CATSPERD: variants seen among roughly 807,000 people sequenced by gnomAD.
CATSPERD encodes the protein cation channel sperm-associated auxiliary subunit delta.
Under a neutral mutation model 98.1 loss-of-function variants are expected in CATSPERD, and 86 were observed. That is an observed-to-expected ratio of 0.88 (90% CI 0.74 to 1.05). The LOEUF (loss-of-function observed/expected upper bound fraction) is 1.05. Among genes scored for constraint, CATSPERD ranks in the 50% least tolerant of loss-of-function variants. The pLI is 0.00. For synonymous variants in CATSPERD, 394 were observed against 390.2 expected, an observed-to-expected ratio of 1.01 and a Z score of -0.12; for missense variants, 995 against 1,005.7, an observed-to-expected ratio of 0.99 and a Z score of 0.14.
In CATSPERD at chr19:5,720,750, A is replaced by C; in HGVS notation, c.13A>C (p.Met5Leu). 1.2e-6 allele frequency: 2 copies of C among 1,606,460 alleles called. No homozygotes were observed. The highest frequency in any genetic ancestry group is 1.7e-6 in the Non-Finnish European group (2 of 1,179,736). Residue 5 changes from methionine (M) to leucine (L), a missense_variant, in exon 1 of 22, where the codon ATG (methionine) becomes CTG (leucine). Physicochemically the swap from Met to Leu is conservative, Grantham distance 15. Around this residue, in one of 3 missense-constraint regions of CATSPERD, gnomAD observed 228 missense variants for 209.6 expected, o/e 1.09. Coordinates refer to ENST00000381624, the MANE Select transcript of CATSPERD (RefSeq NM_152784.4). ...GAAGCCCAAGTCGATGCTGATGTTG[A>C]TGCTGGTGGCGGCTGTGACCATGTG... is the stretch of plus-strand genomic sequence containing the variant. MLML[M>L]LVAAVTMWLR...
At chr19:5,743,322 G>A (rs2056025907) in intron 7 of CATSPERD, among the ~76,000 whole-genome samples, 1 of 150,408 alleles carries the variant, frequency 6.6e-6, no homozygotes, top group Non-Finnish European at 1.5e-5. Context: ...ACAAGGCCAG[G>A]CACTGTGGCT....
intron 18 of CATSPERD, among the ~76,000 whole-genome samples, chr19:5,768,961 C>T (rs2056595277): frequency 6.6e-6 from 1 of 152,038 alleles, no homozygotes; most frequent in African/African-American, 2.4e-5. Flanking sequence ...CGAGACCAGC[C>T]TGGCCAACAT....
chr19:5,727,828 A>C (rs1267868740), intron 3 of CATSPERD, among the ~76,000 whole-genome samples: 11 of 152,144 alleles, frequency 7.2e-5, no homozygotes, highest in African/African-American at 2.6e-4. Flanking sequence ...CCTCACCCTG[A>C]GGGTAGTGGA....
At chr19:5,766,851 C>G (rs1430694800) in intron 17 of CATSPERD, among the ~76,000 whole-genome samples, 1 of 151,624 alleles carries the variant, frequency 6.6e-6, no homozygotes, top group East Asian at 2.0e-4. Flanking sequence ...CGCTACCATG[C>G]CTGGCTAATT....
At chr19:5,724,702 C>A (rs1359594684) in intron 1 of CATSPERD, 106 bp from the exon 2 acceptor site, 8 of 1,184,796 alleles carry the variant, frequency 6.8e-6, no homozygotes, top group South Asian at 3.7e-5. Context: ...CCGTCCCCCC[C>A]AAAAAAGAAC....
intron 3 of CATSPERD, among the ~76,000 whole-genome samples, chr19:5,728,343 C>T (rs1269861482): frequency 5.1e-5 from 6 of 118,554 alleles, no homozygotes; most frequent in African/African-American, 9.9e-5. Context: ...GGCGACAGAG[C>T]GAGACTCTGT....
rs1211313468 is a variant in CATSPERD at position 5,753,337 on chromosome 19, G to C, written c.1165-795G>C. Reference sequence around the variant, plus strand: ...GCGCTTTGGGAGGCTAAGGTGGGTGGATCACAAGGTCAGGAGATCGAGACC... The same window carrying C: ...GCGCTTTGGGAGGCTAAGGTGGGTGCATCACAAGGTCAGGAGATCGAGACC... On this transcript the variant is annotated intron_variant, in intron 12 of 21. Coordinates refer to ENST00000381624, the MANE Select transcript of CATSPERD (RefSeq NM_152784.4). 2.6e-5 allele frequency among the ~76,000 whole-genome samples: 4 copies of C among 151,874 alleles called. No individual in the cohort carries two copies. The South Asian group carries it at 8.3e-4, about 32-fold the overall frequency.
chr19:5,750,932 T>C (rs1042376022), intron 11 of CATSPERD, among the ~76,000 whole-genome samples: 2 of 151,596 alleles, frequency 1.3e-5, no homozygotes, highest in African/African-American at 4.8e-5. Context: ...ATCTGCATCA[T>C]GGCCGGGCGT....
chr19:5,724,746 TAGG>T, intron 1 of CATSPERD, 59 bp from the exon 2 acceptor site: 1 of 1,516,958 alleles, frequency 6.6e-7, no homozygotes. Flanking sequence ...GTTGGCTGAG[TAGG>T]AGGATTCATG....
intron 14 of CATSPERD, among the ~76,000 whole-genome samples, 154 bp from the exon 15 acceptor site, chr19:5,758,923 CAAAAAAAAA>C (rs1002375684): frequency 2.5e-5 from 1 of 39,496 alleles, no homozygotes; most frequent in Admixed American, 2.7e-4. Flanking sequence ...GACTCCATCT[CAAAAAAAAA>C]AAAAAAAAAA....
chr19:5,765,353 GCTCT>G (rs143422793), intron 16 of CATSPERD, among the ~76,000 whole-genome samples: 2,612 of 152,184 alleles, frequency 0.017, 87 homozygotes, highest in African/African-American at 0.06. Flanking sequence ...ACCCCCAATT[GCTCT>G]CTCTGTCTTC....
At chr19:5,738,352 C>CAAAAAAAAAAAAAAAA (rs767298084) in intron 6 of CATSPERD, among the ~76,000 whole-genome samples, 4 of 104,948 alleles carry the variant, frequency 3.8e-5, no homozygotes, top group East Asian at 3.5e-4. Context: ...ACTCAAAATA[C>CAAAAAAAAAAAAAAAA]AAAAAAAAAA....
In CATSPERD at chr19:5,733,852, T is replaced by C. The variant is rs760737195; in HGVS notation, c.277-4T>C. The C allele has an allele frequency of 1.4e-5, 23 of 1,599,258 alleles. No homozygotes were observed. Among genetic ancestry groups the C allele is most frequent in the African/African-American group, 2.7e-5 (2 of 74,250 alleles). On this transcript the variant is annotated splice_polypyrimidine_tract_variant and splice_region_variant and intron_variant, in intron 4 of 21. Coordinates refer to ENST00000381624, the MANE Select transcript of CATSPERD (RefSeq NM_152784.4). Reference sequence around the variant, plus strand: ...ATTGATATCATCCATATGATAACTTTTAGGTCGGCGTACCAGAAGTGACAT... The same window carrying C: ...ATTGATATCATCCATATGATAACTTCTAGGTCGGCGTACCAGAAGTGACAT...
At position 5,738,203 on chromosome 19, in the gene CATSPERD, C is replaced by T. The variant is rs938992164; in HGVS notation, c.459+998C>T. 3.3e-5 allele frequency among the ~76,000 whole-genome samples: 5 copies of T among 151,760 alleles called. No individual in the cohort carries two copies. In the Middle Eastern group the frequency reaches 0.01, roughly 310 times the overall value. On this transcript the variant is annotated intron_variant, in intron 6 of 21. Transcript: ENST00000381624. ...CGGGCAGATCACAAGGTCAGGAGTT[C>T]GAGACCAGCCTGGCCAACATAGTGA...
rs999060709 is a variant in CATSPERD at position 5,741,792 on chromosome 19, G to GC, written c.573+2353_573+2354insC. On this transcript the variant is annotated intron_variant, in intron 7 of 21. Transcript: ENST00000381624. The stretch of plus-strand genomic sequence containing the variant: ...ACTTTGGGATGCTGAAGGCGGGGGG[G>GC]GGGGGGTGGTGTGGATCACTTGAGG... Among the ~76,000 whole-genome samples, 4 of 96,060 alleles carry GC rather than the reference G, an allele frequency of 4.2e-5. 2 individuals are homozygous for GC. The highest frequency in any genetic ancestry group is 1.5e-4 in the African/African-American group (4 of 27,040). The allele number at this position is 96,060 out of a possible 152,430, so 63.0% of individuals were successfully genotyped here. A position where few individuals can be genotyped will look rare whatever the true frequency, so the allele number is the denominator to read the frequency against.
chr19:5,767,756 C>T (rs2056568740), intron 17 of CATSPERD, among the ~76,000 whole-genome samples: 1 of 141,420 alleles, frequency 7.1e-6, no homozygotes. Flanking sequence ...CGCGCCTGGC[C>T]TGCCCTCCCT....
chr19:5,777,215 C>T (rs183846157), intron 21 of CATSPERD, among the ~76,000 whole-genome samples: 7 of 151,954 alleles, frequency 4.6e-5, no homozygotes, highest in Non-Finnish European at 1.5e-5. Context: ...AAAAAAAACA[C>T]GTGGAGGTCC....
At chr19:5,726,934 C>T (rs762748224) in intron 2 of CATSPERD, among the ~76,000 whole-genome samples, 48 of 152,170 alleles carry the variant, frequency 3.2e-4, no homozygotes, top group Non-Finnish European at 6.0e-4. Context: ...TGGCTCACGC[C>T]TGTAATCCCA....
intron 1 of CATSPERD, among the ~76,000 whole-genome samples, chr19:5,724,314 C>T (rs1252758944): frequency 1.3e-5 from 2 of 150,686 alleles, no homozygotes; most frequent in African/African-American, 2.4e-5. Flanking sequence ...CCACCTGCCT[C>T]GGCCTCCCAA....
Sources: allele counts gnomAD v4.1 joint callset (sites outside exome capture counted in the v4.1 genomes callset), GRCh38; gene constraint gnomAD v4.1.1; regional missense constraint gnomAD v4.1.1; transcripts MANE v1.5; gene names NCBI Gene and HGNC (gene_info 2026-07-23, HGNC 2026-07-21).